The following MRTFA variants were observed in gnomAD, a reference collection of about 807,000 sequenced individuals.
MRTFA encodes the protein myocardin related transcription factor A, also known as myocardin-related transcription factor A.
Under a neutral mutation model 83.5 loss-of-function variants are expected in MRTFA, and 20 were observed. The observed-to-expected ratio is 0.24, with a 90% confidence interval of 0.17 to 0.35. MRTFA has a LOEUF of 0.35. Ranked by LOEUF, MRTFA falls within the 10% of genes least tolerant of loss-of-function variation. The pLI is 1.00. For missense variants in MRTFA, 1,200 were observed against 1,224.7 expected (o/e 0.98, Z 0.30); for synonymous variants, 659 against 541.2 (o/e 1.22, Z -3.02).
intron 3 of MRTFA, among the ~76,000 whole-genome samples, chr22:40,494,428 CAACAGTTTG>C (rs1433701756): frequency 6.6e-6 from 1 of 151,986 alleles, no homozygotes; most frequent in Non-Finnish European, 1.5e-5. Context: ...CCTGTAATCC[CAACAGTTTG>C]GGAGGCCAAG....
At chr22:40,508,780 G>A (rs1307998397) in intron 3 of MRTFA, among the ~76,000 whole-genome samples, 1 of 151,070 alleles carries the variant, frequency 6.6e-6, no homozygotes, top group African/African-American at 2.4e-5. Flanking sequence ...CAATTTTGGA[G>A]GCCAAAACAG....
intron 4 of MRTFA, among the ~76,000 whole-genome samples, chr22:40,447,926 G>A (rs768837073): frequency 2.6e-5 from 4 of 152,096 alleles, no homozygotes; most frequent in East Asian, 1.9e-4. Flanking sequence ...TGATATGCCC[G>A]GTGTGGTTGT....
intron 6 of MRTFA, 84 bp downstream of exon 6, chr22:40,431,321 G>A: frequency 7.7e-7 from 1 of 1,293,386 alleles, no homozygotes; most frequent in South Asian, 1.2e-5. Flanking sequence ...AGAAGAAAGA[G>A]GCAGGAAGGA....
intron 3 of MRTFA, among the ~76,000 whole-genome samples, chr22:40,492,390 C>T (rs770585951): frequency 6.6e-6 from 1 of 152,178 alleles, no homozygotes; most frequent in Non-Finnish European, 1.5e-5. Context: ...AGCACTGGGC[C>T]TAGACACAGA....
intron 2 of MRTFA, among the ~76,000 whole-genome samples, chr22:40,557,772 A>T (rs2055548401): frequency 1.3e-5 from 2 of 152,202 alleles, no homozygotes; most frequent in South Asian, 2.1e-4. Flanking sequence ...GGCAAAAAAA[A>T]AATTTCACTA....
intron 3 of MRTFA, among the ~76,000 whole-genome samples, chr22:40,490,123 A>C (rs2054247663): frequency 1.3e-5 from 2 of 152,238 alleles, no homozygotes; most frequent in East Asian, 3.9e-4. Flanking sequence ...GATCAGATTG[A>C]AAATATGGAA....
intron 3 of MRTFA, among the ~76,000 whole-genome samples, chr22:40,551,427 G>A (rs2055442761): frequency 6.6e-6 from 1 of 152,096 alleles, no homozygotes; most frequent in Admixed American, 6.5e-5. Flanking sequence ...GGAGAGCTGT[G>A]GCACAATCTC....
chr22:40,413,529 G>C (rs554085991), intron 14 of MRTFA, among the ~76,000 whole-genome samples: 2 of 151,910 alleles, frequency 1.3e-5, no homozygotes, highest in Admixed American at 6.6e-5. Flanking sequence ...GGCTGGTCTC[G>C]AACTCCTGAC....
At chr22:40,525,855 G>GA (rs1027292121) in intron 3 of MRTFA, among the ~76,000 whole-genome samples, 9 of 148,164 alleles carry the variant, frequency 6.1e-5, no homozygotes, top group African/African-American at 9.9e-5. Context: ...AATCAAAGAG[G>GA]AAAAAAAAAA....
chr22:40,625,449 CTAAATAAA>C (rs60700777), intron 1 of MRTFA, among the ~76,000 whole-genome samples: 2,867 of 137,480 alleles, frequency 0.021, 58 homozygotes, highest in African/African-American at 0.06. Flanking sequence ...GGCCCTCTCT[CTAAATAAA>C]TAAATAAATA....
intron 3 of MRTFA, among the ~76,000 whole-genome samples, chr22:40,528,737 C>CA (rs11321951): frequency 0.054 from 6,332 of 116,496 alleles, 225 homozygotes; most frequent in Non-Finnish European, 0.08. Flanking sequence ...AACTCTGCTT[C>CA]AAAAAAAAAA....
At chr22:40,425,755 T>C (rs755915940) in intron 7 of MRTFA, among the ~76,000 whole-genome samples, 8 of 152,210 alleles carry the variant, frequency 5.3e-5, no homozygotes, top group Non-Finnish European at 8.8e-5. Flanking sequence ...AGCAGCCCCA[T>C]GGCAGCCAGT....
At chr22:40,592,665 G>A (rs1481897615) in intron 2 of MRTFA, among the ~76,000 whole-genome samples, 1 of 151,652 alleles carries the variant, frequency 6.6e-6, no homozygotes, top group African/African-American at 2.4e-5. Flanking sequence ...ATTTTTTTTG[G>A]TGTTTTTTGT....
intron 4 of MRTFA, among the ~76,000 whole-genome samples, chr22:40,460,516 G>A (rs572965182): frequency 1.3e-5 from 2 of 152,268 alleles, no homozygotes; most frequent in South Asian, 4.2e-4. Flanking sequence ...CCAAATTTTG[G>A]CTGTTCAATG....
At chr22:40,455,105 C>A (rs890471101) in intron 4 of MRTFA, among the ~76,000 whole-genome samples, 1 of 152,146 alleles carries the variant, frequency 6.6e-6, no homozygotes, top group Admixed American at 6.5e-5. Flanking sequence ...TGGCCTAAAA[C>A]TCCACTTTCT....
intron 2 of MRTFA, among the ~76,000 whole-genome samples, chr22:40,588,820 A>C (rs536869402): frequency 2.6e-5 from 4 of 152,284 alleles, no homozygotes; most frequent in Admixed American, 2.0e-4. Context: ...CATCTCTACA[A>C]AAAATTTAAA....
At chr22:40,459,305 A>T (rs187911943) in intron 4 of MRTFA, among the ~76,000 whole-genome samples, 1 of 151,562 alleles carries the variant, frequency 6.6e-6, no homozygotes, top group African/African-American at 2.4e-5. Flanking sequence ...CCATGTACCA[A>T]CAGGGACGTA....
chr22:40,533,435 A>T (rs532932057), intron 3 of MRTFA, among the ~76,000 whole-genome samples: 2 of 152,334 alleles, frequency 1.3e-5, no homozygotes, highest in South Asian at 4.1e-4. Context: ...TGAGAGAAAA[A>T]TTAATAAAAA....
chr22:40,582,264 G>T (rs1371873158), intron 2 of MRTFA, among the ~76,000 whole-genome samples: 2 of 152,044 alleles, frequency 1.3e-5, no homozygotes, highest in Non-Finnish European at 2.9e-5. Flanking sequence ...CCTTTTCATT[G>T]CCAAATAATA....
Sources: gnomAD v4.1 joint callset for allele counts (sites outside exome capture counted in the v4.1 genomes callset) on GRCh38, gnomAD v4.1.1 for gene constraint, MANE v1.5 for transcripts, NCBI Gene and HGNC (gene_info 2026-07-23, HGNC 2026-07-21) for gene names.